MICU3: variants seen among roughly 807,000 people sequenced by gnomAD.
MICU3 encodes the protein calcium uptake protein 3, mitochondrial.
In MICU3, 62 loss-of-function variants were observed where a neutral mutation model predicts 66.5. The observed-to-expected ratio is 0.93, with a 90% CI of 0.76 to 1.15. The LOEUF (loss-of-function observed/expected upper bound fraction) is 1.15. Ranked by LOEUF, MICU3 falls within the 50% of genes most tolerant of loss-of-function variation. The pLI, the probability that MICU3 is intolerant of heterozygous loss-of-function variation, is 0.00. For synonymous variants in MICU3, 308 were observed against 240.7 expected, an observed-to-expected ratio of 1.28 and a Z score of -2.59; for missense variants, 779 against 664.4, an observed-to-expected ratio of 1.17 and a Z score of -1.90.
Position 17,098,488 on chromosome 8 carries a change from T to C in MICU3, c.919T>C (p.Ser307Pro). Residue 307 changes from serine (S) to proline (P), a missense_variant, in exon 9 of 15, where the codon TCC becomes CCC. Transcript: ENST00000318063. The stretch of plus-strand genomic sequence containing the variant: ...TAAAACAGATGCTGAGGAACTTGTC[T>C]CCAGAAGCTATTGGGATACACTGAG... Reference protein sequence around the residue: ...VLKTDAEELVSRSYWDTLRRN... With the variant: ...VLKTDAEELVPRSYWDTLRRN... The C allele has an allele frequency of 6.2e-7, 1 of 1,611,582 alleles. No homozygotes were observed. Among genetic ancestry groups the C allele is most frequent in the Non-Finnish European group, 8.5e-7 (1 of 1,178,144 alleles).
chr8:17,072,967 T>C (rs1819829769), intron 3 of MICU3, among the ~76,000 whole-genome samples: 1 of 151,876 alleles, frequency 6.6e-6, no homozygotes, highest in Non-Finnish European at 1.5e-5. Flanking sequence ...CTTGGCTCAC[T>C]CCATCTTCTG....
intron 4 of MICU3, among the ~76,000 whole-genome samples, chr8:17,079,152 A>AT (rs1563342112): frequency 1.3e-5 from 2 of 152,000 alleles, no homozygotes; most frequent in East Asian, 1.9e-4. Context: ...ACATGTTTGC[A>AT]TTTTTTTCCC....
intron 11 of MICU3, among the ~76,000 whole-genome samples, chr8:17,112,732 C>G (rs1220241432): frequency 6.6e-6 from 1 of 152,090 alleles, no homozygotes; most frequent in Non-Finnish European, 1.5e-5. Flanking sequence ...TTTGTTTTCC[C>G]TTTATTTAAA....
At chr8:17,076,643 C>T (rs1454709686) in intron 3 of MICU3, among the ~76,000 whole-genome samples, 1 of 152,136 alleles carries the variant, frequency 6.6e-6, no homozygotes, top group African/African-American at 2.4e-5. Flanking sequence ...TGCAGTTAAA[C>T]AAAAATGATT....
chr8:17,134,879 A>G, the MICU3 span, among the ~76,000 whole-genome samples: 1 of 152,218 alleles, frequency 6.6e-6, no homozygotes, highest in Admixed American at 6.5e-5. Flanking sequence ...ACACACCCAG[A>G]ATAACATTTG....
At chr8:17,041,422 T>A (rs1213478813) in intron 1 of MICU3, among the ~76,000 whole-genome samples, 2 of 152,110 alleles carry the variant, frequency 1.3e-5, no homozygotes, top group Non-Finnish European at 2.9e-5. Context: ...AACAAGGAAG[T>A]CATGGGTGAT....
In MICU3 at chr8:17,121,652, A is replaced by G. The variant is rs1483963186; in HGVS notation, c.*1365A>G. On this transcript the variant is annotated 3_prime_UTR_variant, in exon 15 of 15. Coordinates refer to ENST00000318063, the MANE Select transcript of MICU3 (RefSeq NM_181723.3). ...ACTAGAAAACACTGACTTTGTTTTT[A>G]TAAGTTATTAAATGTGAAATTGATC... 6.6e-6 allele frequency: 1 copy of G among 152,268 alleles called. No homozygotes were observed. Among genetic ancestry groups the G allele is most frequent in the Non-Finnish European group, 1.5e-5 (1 of 67,742 alleles). The allele number at this position is 152,268 out of a possible 1,614,324, so 9.4% of individuals were successfully genotyped here. A position where few individuals can be genotyped will look rare whatever the true frequency, so the allele number is the denominator to read the frequency against.
At chr8:17,096,215 G>A (rs1186501295) in intron 8 of MICU3, among the ~76,000 whole-genome samples, 1 of 151,880 alleles carries the variant, frequency 6.6e-6, no homozygotes, top group Non-Finnish European at 1.5e-5. Flanking sequence ...AAAGTGTCCA[G>A]TTACACCTGG....
In MICU3 at chr8:17,118,763, T is replaced by G; in HGVS notation, c.1581T>G (p.Leu527=). The G allele has an allele frequency of 6.2e-7, 1 of 1,607,944 alleles. No homozygotes were observed. The highest frequency in any genetic ancestry group is 8.5e-7 in the Non-Finnish European group (1 of 1,174,776). ...TCAAATCCTGCCTGAAGAAAGAACT[T>G]CACAGCAGATAAGTATGTTAGCTTC... ...PTFKSCLKKE[L]HSR is the part of the protein sequence containing the mutation. Residue 527 remains leucine (L), a synonymous_variant, in exon 14 of 15, where the codon CTT becomes CTG. Coordinates refer to ENST00000318063, the MANE Select transcript of MICU3 (RefSeq NM_181723.3).
In MICU3 at chr8:17,027,301, T is replaced by A; in HGVS notation, c.22T>A (p.Leu8Met). The A allele has an allele frequency of 1.5e-6, 2 of 1,348,034 alleles. No individual in the cohort carries two copies. Among genetic ancestry groups the A allele is most frequent in the Non-Finnish European group, 1.9e-6 (2 of 1,035,648 alleles). 83.5% of individuals were successfully genotyped at this position (1,348,034 alleles called of 1,614,324 possible). A position where few individuals can be genotyped will look rare whatever the true frequency, so the allele number is the denominator to read the frequency against. Residue 8 changes from leucine (L) to methionine (M), a missense_variant, in exon 1 of 15, where the codon TTG (leucine) becomes ATG (methionine). Physicochemically the swap from Leu to Met is conservative, Grantham distance 15. Transcript: ENST00000318063. ...CGCTATGGCTGCGCTGCGAAGGCTC[T>A]TGTGGCCGCCACCCCGGGTGTCTCC... MAALRRL[L>M]WPPPRVSPPL...
chr8:17,090,540 T>C lies in MICU3; in HGVS notation c.850-6T>C, dbSNP rs371347106. The stretch of plus-strand genomic sequence containing the variant: ...ACTTCATTTGGCCCTTTGTGCTCTA[T>C]GTCAGCGTCTTCAACTTTATGGATA... On this transcript the variant is annotated splice_region_variant and splice_polypyrimidine_tract_variant and intron_variant, in intron 7 of 14. Coordinates refer to ENST00000318063, the MANE Select transcript of MICU3 (RefSeq NM_181723.3). 5.6e-6 allele frequency: 9 copies of C among 1,611,146 alleles called. No individual in the cohort carries two copies. The highest frequency in any genetic ancestry group is 6.8e-6 in the Non-Finnish European group (8 of 1,178,382).
chr8:17,033,555 G>T (rs1322845719), intron 1 of MICU3, among the ~76,000 whole-genome samples: 1 of 151,986 alleles, frequency 6.6e-6, no homozygotes, highest in East Asian at 1.9e-4. Context: ...TTCTGCCTCA[G>T]CCTCCCGAGT....
chr8:17,087,822 C>T (rs987929668), intron 7 of MICU3, among the ~76,000 whole-genome samples: 11 of 152,124 alleles, frequency 7.2e-5, no homozygotes, highest in Non-Finnish European at 1.3e-4. Flanking sequence ...TCCAAAACCT[C>T]ACTTTTATCC....
At chr8:17,097,219 T>G (rs1800802532) in intron 8 of MICU3, among the ~76,000 whole-genome samples, 1 of 151,806 alleles carries the variant, frequency 6.6e-6, no homozygotes, top group African/African-American at 2.4e-5. Flanking sequence ...TTGATCTAGC[T>G]AGTATTTATT....
chr8:17,087,783 C>G (rs1457282800), intron 7 of MICU3, among the ~76,000 whole-genome samples: 1 of 151,976 alleles, frequency 6.6e-6, no homozygotes, highest in African/African-American at 2.4e-5. Flanking sequence ...AATGGCAAAG[C>G]CAAAGATTTG....
At chr8:17,118,950 G>A (rs1402159940) in intron 14 of MICU3, among the ~76,000 whole-genome samples, 175 bp downstream of exon 14, 1 of 152,070 alleles carries the variant, frequency 6.6e-6, no homozygotes, top group African/African-American at 2.4e-5. Context: ...CTGAAGTTTT[G>A]TATGTGAGCA....
At chr8:17,125,713 A>G (rs1196493222), downstream of MICU3, among the ~76,000 whole-genome samples, 3 of 151,970 alleles carry the variant, frequency 2.0e-5, no homozygotes, top group African/African-American at 7.3e-5. Flanking sequence ...CCAAACTTCA[A>G]TCCTCTCTTC....
chr8:17,113,635 A>C (rs1459798804), intron 11 of MICU3, among the ~76,000 whole-genome samples: 1 of 152,224 alleles, frequency 6.6e-6, no homozygotes, highest in African/African-American at 2.4e-5. Flanking sequence ...TTGCATTGTC[A>C]TTATAAAGAC....
At chr8:17,130,547 C>G in the MICU3 span, among the ~76,000 whole-genome samples, 2 of 151,754 alleles carry the variant, frequency 1.3e-5, no homozygotes, top group East Asian at 3.9e-4. Flanking sequence ...AGGCAATTGA[C>G]TCTTTAAAAT....
Sources: gnomAD v4.1 joint callset for allele counts (sites outside exome capture counted in the v4.1 genomes callset) on GRCh38, gnomAD v4.1.1 for gene constraint, MANE v1.5 for transcripts, NCBI Gene and HGNC (gene_info 2026-07-23, HGNC 2026-07-21) for gene names.